AXIN1: variants seen among roughly 807,000 people sequenced by gnomAD.
AXIN1 encodes the protein axin 1, also known as axin-1.
A neutral mutation model predicts 76.4 loss-of-function variants in AXIN1; 30 were observed. That is an observed-to-expected ratio of 0.39 (90% CI 0.29 to 0.53). The LOEUF (loss-of-function observed/expected upper bound fraction) is 0.53, where lower values mean the gene tolerates loss of function less well. Among genes scored for constraint, AXIN1 ranks in the 20% least tolerant of loss-of-function variants. The pLI, the probability that AXIN1 is intolerant of heterozygous loss-of-function variation, is 0.66. For synonymous variants in AXIN1, 545 were observed against 501.4 expected (o/e 1.09, Z -1.16); for missense variants, 1,140 against 1,198.8 (o/e 0.95, Z 0.72).
chr16:288,892 CCAT>C (rs1199007713), intron 10 of AXIN1, among the ~76,000 whole-genome samples: 1 of 152,214 alleles, frequency 6.6e-6, no homozygotes, highest in Admixed American at 6.5e-5. Flanking sequence ...AAGGTTCAGA[CCAT>C]CGTCGTCTAG....
At chr16:299,877 G>C (rs538903043) in intron 5 of AXIN1, among the ~76,000 whole-genome samples, 1 of 149,514 alleles carries the variant, frequency 6.7e-6, no homozygotes, top group Admixed American at 6.7e-5. Flanking sequence ...GGATGGTCTC[G>C]ATCTCCCGAC....
chr16:326,009 C>CAAT (rs2053571940), intron 2 of AXIN1, among the ~76,000 whole-genome samples: 1 of 152,026 alleles, frequency 6.6e-6, no homozygotes, highest in African/African-American at 2.4e-5. Context: ...TCTGTTTTAG[C>CAAT]AATACTGACA....
intron 5 of AXIN1, among the ~76,000 whole-genome samples, chr16:302,436 T>C (rs1026168226): frequency 1.3e-5 from 2 of 152,254 alleles, no homozygotes; most frequent in African/African-American, 2.4e-5. Flanking sequence ...GACGTCTGTG[T>C]GTGAGACATT....
chr16:315,367 T>C (rs1472800153), intron 2 of AXIN1, among the ~76,000 whole-genome samples: 1 of 152,234 alleles, frequency 6.6e-6, no homozygotes, highest in Non-Finnish European at 1.5e-5. Flanking sequence ...TGGTTTACCA[T>C]TTTCTATGGG....
chr16:294,108 C>G (rs2052644218), intron 7 of AXIN1, among the ~76,000 whole-genome samples: 1 of 152,044 alleles, frequency 6.6e-6, no homozygotes, highest in Non-Finnish European at 1.5e-5. Flanking sequence ...TTACAGTGAG[C>G]CGGGATCACG....
chr16:345,082 A>G (rs2054006929), intron 2 of AXIN1, among the ~76,000 whole-genome samples: 1 of 151,562 alleles, frequency 6.6e-6, no homozygotes, highest in Non-Finnish European at 1.5e-5. Context: ...TCACAAGCAC[A>G]GTAGATGCCA....
In AXIN1 at chr16:352,551, G is replaced by C; in HGVS notation, c.-264C>G. 6.1e-6 allele frequency: 2 copies of C among 326,836 alleles called. No individual in the cohort carries two copies. Among genetic ancestry groups the C allele is most frequent in the Non-Finnish European group, 8.7e-6 (2 of 231,098 alleles). The allele number at this position is 326,836 out of a possible 1,614,324, so 20.2% of individuals were successfully genotyped here. On this transcript the variant is annotated 5_prime_UTR_variant, in exon 1 of 11. Coordinates refer to ENST00000262320, the MANE Select transcript of AXIN1 (RefSeq NM_003502.4). Reference sequence around the variant, plus strand: ...CGGACGCGGGGCAGGCCGCGGGGGCGCCGCAGGGGCCCAGCCGCCAGCTCC... The same window carrying C: ...CGGACGCGGGGCAGGCCGCGGGGGCCCCGCAGGGGCCCAGCCGCCAGCTCC...
In AXIN1 at chr16:288,000, G is replaced by T; in HGVS notation, c.*122C>A. On this transcript the variant is annotated 3_prime_UTR_variant, in exon 11 of 11. Transcript: ENST00000262320. ...GCCTCTAGACACGGGTAGACCACAG[G>T]GATGGGTGGTACACCCAACACTGTT... The T allele has an allele frequency of 2.0e-6, 3 of 1,505,994 alleles. No individual in the cohort carries two copies. Among genetic ancestry groups the T allele is most frequent in the African/African-American group, 1.4e-5 (1 of 73,036 alleles). 93.3% of individuals were successfully genotyped at this position (1,505,994 alleles called of 1,614,324 possible).
chr16:311,539 A>T (rs2053178898), intron 3 of AXIN1, among the ~76,000 whole-genome samples: 1 of 150,970 alleles, frequency 6.6e-6, no homozygotes, highest in African/African-American at 2.4e-5. Context: ...TGGGAGGCCG[A>T]GGCGGGCGGA....
chr16:332,646 A>T (rs1218732083), intron 2 of AXIN1, among the ~76,000 whole-genome samples: 1 of 148,782 alleles, frequency 6.7e-6, no homozygotes, highest in Non-Finnish European at 1.5e-5. Flanking sequence ...TTTGATCTAA[A>T]CAATGTTGAT....
intron 2 of AXIN1, among the ~76,000 whole-genome samples, chr16:332,229 C>G (rs2053705520): frequency 6.6e-6 from 1 of 152,194 alleles, no homozygotes; most frequent in Non-Finnish European, 1.5e-5. Context: ...GAACTCGCAG[C>G]AGCAACATCA....
chr16:351,825 T>C (rs2054151175), intron 1 of AXIN1, among the ~76,000 whole-genome samples: 1 of 152,036 alleles, frequency 6.6e-6, no homozygotes, highest in Admixed American at 6.5e-5. Context: ...CTTTCTTCAA[T>C]GCCAAGCTGA....
intron 2 of AXIN1, among the ~76,000 whole-genome samples, chr16:339,272 G>C (rs182439810): frequency 6.6e-6 from 1 of 150,618 alleles, no homozygotes; most frequent in African/African-American, 2.4e-5. Flanking sequence ...GGGAGGCTGA[G>C]GTAGGCGGAT....
Position 289,422 on chromosome 16 carries a change from C to T in AXIN1, c.2462+18G>A, listed in dbSNP as rs774332636. ...ACATACTCGTGCGGGGAGGGGGCAC[C>T]CCAGCCCTCACACTCACCTGTAGCT... On this transcript the variant is annotated intron_variant, in intron 10 of 10. Transcript: ENST00000262320. The T allele has an allele frequency of 1.1e-5, 18 of 1,612,510 alleles. No homozygotes were observed. The highest frequency in any genetic ancestry group is 1.4e-5 in the Non-Finnish European group (16 of 1,179,924).
At chr16:325,319 G>GC (rs1376590382) in intron 2 of AXIN1, among the ~76,000 whole-genome samples, 12 of 152,114 alleles carry the variant, frequency 7.9e-5, no homozygotes. Context: ...CTGCTCCGGC[G>GC]CCCCCTCCGC....
rs2141573124 is a variant in AXIN1, at chr16:310,004, A to T, written c.1085T>A (p.Val362Asp). The T allele has an allele frequency of 6.2e-7, 1 of 1,613,474 alleles. No homozygotes were observed. The highest frequency in any genetic ancestry group is 1.7e-5 in the Admixed American group (1 of 60,012). The change falls in exon 4 of 11, where the codon GTC becomes GAC. Residue 362 changes from valine (V) to aspartate (D), a missense_variant. By Grantham distance (152) the Val-to-Asp change is radical. Coordinates refer to ENST00000262320, the MANE Select transcript of AXIN1 (RefSeq NM_003502.4). ...GTGAGGTAGGGGCACCCGCCCATTG[A>T]CCTGCACGCTCTCCTGCATCTCCCT... is the stretch of plus-strand genomic sequence containing the variant. The part of the protein sequence containing the change: ...HRREMQESVQ[V>D]NGRVPLPHIP...
chr16:336,965 C>T (rs533772403), intron 2 of AXIN1, among the ~76,000 whole-genome samples: 9 of 151,372 alleles, frequency 5.9e-5, no homozygotes, highest in Admixed American at 3.3e-4. Context: ...ATGGCTAACA[C>T]GGTGAAACCC....
chr16:331,655 A>C (rs185198328), intron 2 of AXIN1, among the ~76,000 whole-genome samples: 1 of 152,308 alleles, frequency 6.6e-6, no homozygotes, highest in Admixed American at 6.5e-5. Flanking sequence ...CCAAAACAAA[A>C]ACTGCCTGGA....
In AXIN1 at chr16:332,591, AC is replaced by A. The variant is rs1219360111; in HGVS notation, c.878+13556del. 5.9e-5 allele frequency among the ~76,000 whole-genome samples: 9 copies of A among 151,570 alleles called. 1 individual carries two copies. The highest frequency in any genetic ancestry group is 2.2e-4 in the African/African-American group (9 of 41,200). ...ACTCCTTCTCAAAAAAAAAAAGAAA[AC>A]AAAAAAAAAATTACACTTAACATCT... On this transcript the variant is annotated intron_variant, in intron 2 of 10. Transcript: ENST00000262320.
Sources: allele counts gnomAD v4.1 joint callset (sites outside exome capture counted in the v4.1 genomes callset), GRCh38; gene constraint gnomAD v4.1.1; transcripts MANE v1.5; gene names NCBI Gene and HGNC (gene_info 2026-07-23, HGNC 2026-07-21).